ZMYM2: variants seen among roughly 807,000 people sequenced by gnomAD.
ZMYM2 encodes zinc finger MYM-type protein 2.
ZMYM2 carries 56 observed loss-of-function variants against 162.8 expected under a neutral mutation model. The observed-to-expected ratio is 0.34, with a 90% CI of 0.28 to 0.43. The LOEUF is 0.43. ZMYM2 is among the 20% of genes least tolerant of loss of function. ZMYM2 has a pLI of 1.00. For synonymous variants in ZMYM2, 510 were observed against 541.6 expected, an observed-to-expected ratio of 0.94 and a Z score of 0.81; for missense variants, 1,275 against 1,621.8, an observed-to-expected ratio of 0.79 and a Z score of 3.67.
chr13:20,068,018 A>G (rs1460789693), intron 21 of ZMYM2: 1 of 168,100 alleles, frequency 5.9e-6, no homozygotes, highest in Non-Finnish European at 1.3e-5. Context: ...GGTGTTAGAT[A>G]ATGAAGTAAA....
the ZMYM2 span, among the ~76,000 whole-genome samples, chr13:19,914,893 A>G: frequency 1.3e-5 from 2 of 152,152 alleles, no homozygotes; most frequent in African/African-American, 2.4e-5. Flanking sequence ...AGCTGGGGCA[A>G]GGTTCCCCAA....
At chr13:19,987,111 CAAA>C (rs58588019) in intron 2 of ZMYM2, among the ~76,000 whole-genome samples, 4 of 40,932 alleles carry the variant, frequency 9.8e-5, no homozygotes, top group Non-Finnish European at 2.1e-4. Flanking sequence ...GGCTCCGTCT[CAAA>C]AAAAAAAAAA....
chr13:19,932,541 C>A, the ZMYM2 span, among the ~76,000 whole-genome samples: 1 of 151,736 alleles, frequency 6.6e-6, no homozygotes, highest in South Asian at 2.1e-4. Context: ...CCCAGCTACT[C>A]GGGAGGCTGA....
intron 2 of ZMYM2, among the ~76,000 whole-genome samples, chr13:19,986,820 C>T (rs1408369263): frequency 6.6e-6 from 1 of 151,870 alleles, no homozygotes; most frequent in Non-Finnish European, 1.5e-5. Flanking sequence ...AAAAAATCCT[C>T]AGCGGGGCAC....
At position 19,993,795 on chromosome 13, in the gene ZMYM2, A is replaced by G. The variant is rs757789160; in HGVS notation, c.723A>G (p.Ile241Met). The G allele has an allele frequency of 6.8e-6, 11 of 1,614,192 alleles. No homozygotes were observed. Among genetic ancestry groups the G allele is most frequent in the Non-Finnish European group, 9.3e-6 (11 of 1,180,024 alleles). Reference sequence around the variant, plus strand: ...AGTCAAGTAATTTTGGTGTTAATATACAAACATACACCCCATCTTTAACTT... The same window carrying G: ...AGTCAAGTAATTTTGGTGTTAATATGCAAACATACACCCCATCTTTAACTT... ...GLQSSNFGVNIQTYTPSLTSQ... is the reference protein window; with the variant it reads ...GLQSSNFGVNMQTYTPSLTSQ... Residue 241 changes from isoleucine to methionine, a missense_variant, in exon 3 of 25, where the codon ATA (isoleucine) becomes ATG (methionine). Physicochemically the swap from Ile to Met is conservative, Grantham distance 10. Transcript: ENST00000610343.
At chr13:19,922,610 C>T in the ZMYM2 span, among the ~76,000 whole-genome samples, 20 of 151,960 alleles carry the variant, frequency 1.3e-4, no homozygotes, top group Non-Finnish European at 2.8e-4. Context: ...TTTGGGAGGC[C>T]GAGGCGGGTG....
At chr13:19,874,348 T>C in the ZMYM2 span, among the ~76,000 whole-genome samples, 1 of 152,146 alleles carries the variant, frequency 6.6e-6, no homozygotes, top group Non-Finnish European at 1.5e-5. Context: ...GTCTTCTAAG[T>C]GGCTGGGACT....
the ZMYM2 span, among the ~76,000 whole-genome samples, chr13:19,876,150 C>T: frequency 6.6e-6 from 1 of 151,838 alleles, no homozygotes; most frequent in Non-Finnish European, 1.5e-5. Context: ...CCTCAGCCTC[C>T]CGAGTAGCTG....
At chr13:19,959,694 C>G (rs1453472987) in intron 1 of ZMYM2, among the ~76,000 whole-genome samples, 1 of 152,190 alleles carries the variant, frequency 6.6e-6, no homozygotes, top group Non-Finnish European at 1.5e-5. Flanking sequence ...CCCTCCCTTC[C>G]CGGGAGCAGG....
the ZMYM2 span, among the ~76,000 whole-genome samples, chr13:19,895,686 C>T: frequency 0.91 from 138,638 of 151,718 alleles, 64,764 homozygotes; most frequent in Non-Finnish European, 1. Context: ...TGCAATTACC[C>T]CTTAAAGGCC....
chr13:20,002,073 T>C (rs1212997072), intron 3 of ZMYM2, among the ~76,000 whole-genome samples: 1 of 152,202 alleles, frequency 6.6e-6, no homozygotes, highest in Non-Finnish European at 1.5e-5. Context: ...CATTTCTGTG[T>C]AACACTCTTT....
At chr13:19,965,771 CT>C (rs35914050) in intron 2 of ZMYM2, among the ~76,000 whole-genome samples, 5,019 of 104,704 alleles carry the variant, frequency 0.048, 58 homozygotes, top group African/African-American at 0.15. Flanking sequence ...TATCTGAATT[CT>C]TTTTTTTTTT....
chr13:19,998,439 G>A (rs1366516507), intron 3 of ZMYM2, among the ~76,000 whole-genome samples: 1 of 152,146 alleles, frequency 6.6e-6, no homozygotes, highest in Admixed American at 6.5e-5. Flanking sequence ...CTACAAAATA[G>A]AACACCCCGA....
intron 3 of ZMYM2, among the ~76,000 whole-genome samples, chr13:20,001,685 C>A (rs1455578011): frequency 6.6e-6 from 1 of 152,114 alleles, no homozygotes; most frequent in African/African-American, 2.4e-5. Context: ...CAGAAGAGTT[C>A]ATTGATGGGG....
chr13:20,062,938 C>T lies in ZMYM2; in HGVS notation c.3004C>T (p.Pro1002Ser). The T allele has an allele frequency of 6.2e-7, 1 of 1,604,230 alleles. No homozygotes were observed. The highest frequency in any genetic ancestry group is 2.2e-5 in the East Asian group (1 of 44,744). ...CAGCATGCCTGATGTACCATATGAA[C>T]CAGATTTGGATATCGAAATAGATTT... ...QSSMPDVPYE[P>S]DLDIEIDFPR... Residue 1002 changes from proline (P) to serine (S), a missense_variant, in exon 18 of 25, where the codon CCA (proline) becomes TCA (serine). Physicochemically the swap from Pro to Ser is moderately conservative, Grantham distance 74. Transcript: ENST00000610343.
At chr13:19,898,572 A>G in the ZMYM2 span, among the ~76,000 whole-genome samples, 1 of 152,058 alleles carries the variant, frequency 6.6e-6, no homozygotes. Context: ...AAGGAAGAAA[A>G]CACAGAGATA....
intron 1 of ZMYM2, among the ~76,000 whole-genome samples, chr13:19,959,445 G>T (rs1566150475): frequency 6.6e-6 from 1 of 152,132 alleles, no homozygotes; most frequent in Non-Finnish European, 1.5e-5. Context: ...GTATTGTTTG[G>T]CTGGGTCTCT....
chr13:20,044,789 C>T (rs1290186866), intron 12 of ZMYM2, among the ~76,000 whole-genome samples: 27 of 151,816 alleles, frequency 1.8e-4, no homozygotes, highest in Non-Finnish European at 2.9e-5. Context: ...GCGGCTCACT[C>T]CTGTAATCCC....
intron 6 of ZMYM2, among the ~76,000 whole-genome samples, chr13:20,013,132 ATTTC>A (rs1479522242): frequency 6.6e-6 from 1 of 152,136 alleles, no homozygotes; most frequent in Non-Finnish European, 1.5e-5. Flanking sequence ...TATGTCTTTA[ATTTC>A]TTTCAGCAGT....
Sources: allele counts gnomAD v4.1 joint callset (sites outside exome capture counted in the v4.1 genomes callset), GRCh38; gene constraint gnomAD v4.1.1; transcripts MANE v1.5; gene names NCBI Gene and HGNC (gene_info 2026-07-23, HGNC 2026-07-21).